SGK2: variants seen among roughly 807,000 people sequenced by gnomAD.
SGK2 encodes serine/threonine-protein kinase Sgk2.
In SGK2, 36 loss-of-function variants were observed where a neutral mutation model predicts 47.5. The observed-to-expected ratio is 0.76, with a 90% CI of 0.58 to 1.00. SGK2 has a LOEUF of 1.00. Ranked by LOEUF, SGK2 falls within the 50% of genes least tolerant of loss-of-function variation. The pLI is 0.00. For synonymous variants in SGK2, 157 were observed against 181.9 expected, an observed-to-expected ratio of 0.86 and a Z score of 1.10; for missense variants, 404 against 467.4, an observed-to-expected ratio of 0.86 and a Z score of 1.25.
chr20:43,565,660 C>G (rs1600986262), intron 1 of SGK2: 1 of 152,358 alleles, frequency 6.6e-6, no homozygotes, highest in Admixed American at 6.5e-5. Context: ...ACTGGGCTTT[C>G]AGGTGAGATC....
Position 43,576,294 on chromosome 20 carries a change from G to C in SGK2, c.764G>C (p.Gly255Ala). The change falls in exon 11 of 13, where the codon GGA becomes GCA. Residue 255 changes from glycine to alanine, a missense_variant. Transcript: ENST00000373100. The part of the protein sequence containing the change: ...NILHQPLQIP[G>A]GRTVAACDLL... The stretch of plus-strand genomic sequence containing the variant: ...CTGCACCAGCCGCTACAGATCCCCG[G>C]AGGCCGGACAGTGGCCGCCTGTGAC... 6.2e-7 allele frequency: 1 copy of C among 1,614,218 alleles called. No homozygotes were observed. The highest frequency in any genetic ancestry group is 8.5e-7 in the Non-Finnish European group (1 of 1,180,040).
chr20:43,565,203 A>T (rs1979621899), intron 1 of SGK2: 1 of 152,284 alleles, frequency 6.6e-6, no homozygotes, highest in Non-Finnish European at 1.5e-5. Context: ...CCTTGTTGGG[A>T]GAACAGAGAG....
chr20:43,571,655 G>A (rs1980139891), intron 8 of SGK2, among the ~76,000 whole-genome samples: 1 of 152,140 alleles, frequency 6.6e-6, no homozygotes, highest in African/African-American at 2.4e-5. Context: ...GGATAGGCAT[G>A]GTTCTTCTGT....
chr20:43,561,899 T>A (rs764444488), intron 1 of SGK2, among the ~76,000 whole-genome samples: 24 of 152,164 alleles, frequency 1.6e-4, no homozygotes, highest in Non-Finnish European at 2.1e-4. Flanking sequence ...GTTGCAGCAA[T>A]GATGGTGAGC....
In SGK2 at chr20:43,585,199, C is replaced by A. The variant is rs983488190; in HGVS notation, c.*183C>A. On this transcript the variant is annotated 3_prime_UTR_variant, in exon 13 of 13. Coordinates refer to ENST00000373100, the MANE Select transcript of SGK2 (RefSeq NM_170693.3). ...CTGGCAGGACAGGTCATCAGATACT[C>A]AGAGGCTGTATCTCTGCCCTGCCAA... is the stretch of plus-strand genomic sequence containing the variant. 2.0e-5 allele frequency: 10 copies of A among 507,416 alleles called. No individual in the cohort carries two copies. The highest frequency in any genetic ancestry group is 3.8e-5 in the African/African-American group (2 of 52,198). The allele number at this position is 507,416 out of a possible 1,614,324, so 31.4% of individuals were successfully genotyped here. A position where few individuals can be genotyped will look rare whatever the true frequency, so the allele number is the denominator to read the frequency against.
intron 1 of SGK2, chr20:43,564,904 C>A (rs375035207): frequency 6.5e-6 from 1 of 152,902 alleles, no homozygotes. Context: ...CAGACACACA[C>A]GGAAGCACTC....
At position 43,574,970 on chromosome 20, in the gene SGK2, T is replaced by TG; in HGVS notation, c.664dup (p.Ala222GlyfsTer23). The TG allele has an allele frequency of 6.2e-7, 1 of 1,613,634 alleles. No individual in the cohort carries two copies. Among genetic ancestry groups the TG allele is most frequent in the Non-Finnish European group, 8.5e-7 (1 of 1,179,748 alleles). ...GATCGAGCAGTGGACTGGTGGTGCT[T>TG]GGGGGCAGTCCTCTACGAGATGCTC... On this transcript the variant is annotated frameshift_variant, in exon 10 of 13. Transcript: ENST00000373100. LOFTEE classifies it high-confidence loss of function.
At chr20:43,584,027 G>A (rs1413150436) in intron 12 of SGK2, among the ~76,000 whole-genome samples, 1 of 152,048 alleles carries the variant, frequency 6.6e-6, no homozygotes, top group Non-Finnish European at 1.5e-5. Flanking sequence ...CAGGCCAGCT[G>A]GTCTCTGTGG....
chr20:43,576,157 C>T lies in SGK2; in HGVS notation c.694-67C>T, dbSNP rs1035433145. ...ATCCTCCCAGCCGCCCACCTTGCTC[C>T]AAGTCTCCCCGAGCCTGTGTTCACT... On this transcript the variant is annotated intron_variant, in intron 10 of 12. Coordinates refer to ENST00000373100, the MANE Select transcript of SGK2 (RefSeq NM_170693.3). The T allele has an allele frequency of 1.1e-5, 17 of 1,580,564 alleles. 1 individual carries two copies. Among genetic ancestry groups the T allele is most frequent in the East Asian group, 6.8e-5 (3 of 44,310 alleles).
rs966091577 is a variant in SGK2, at chr20:43,572,003, A to G, written c.511-48A>G. 5.7e-6 allele frequency: 8 copies of G among 1,395,996 alleles called. No individual in the cohort carries two copies. The Admixed American group carries it at 1.6e-4, about 28-fold the overall frequency. The allele number at this position is 1,395,996 out of a possible 1,614,324, so 86.5% of individuals were successfully genotyped here. On this transcript the variant is annotated intron_variant, in intron 8 of 12. Coordinates refer to ENST00000373100, the MANE Select transcript of SGK2 (RefSeq NM_170693.3). The surrounding 1 kb of genome is among the most constrained non-coding windows in gnomAD (Gnocchi z 4.2). Reference sequence around the variant, plus strand: ...GGCTTTGGGGGTTAGGCCTGGCCATACCCTTGGCTCATACCACCCTCCAGC... The same window carrying G: ...GGCTTTGGGGGTTAGGCCTGGCCATGCCCTTGGCTCATACCACCCTCCAGC...
intron 12 of SGK2, among the ~76,000 whole-genome samples, chr20:43,581,155 G>C (rs1177372024): frequency 6.6e-6 from 1 of 152,126 alleles, no homozygotes; most frequent in Non-Finnish European, 1.5e-5. Flanking sequence ...GATTACAGGC[G>C]TGAGCCACCG....
At position 43,574,903 on chromosome 20, in the gene SGK2, T is replaced by G; in HGVS notation, c.598-6T>G. 1 of 1,610,668 alleles carries G rather than the reference T, an allele frequency of 6.2e-7. No individual in the cohort carries two copies. The highest frequency in any genetic ancestry group is 1.7e-4 in the Middle Eastern group (1 of 6,050). On this transcript the variant is annotated splice_region_variant and splice_polypyrimidine_tract_variant and intron_variant, in intron 9 of 12. Coordinates refer to ENST00000373100, the MANE Select transcript of SGK2 (RefSeq NM_170693.3). ...TATTTCAAATAAGTGTGTTTCCTTC[T>G]AACAGTACTTGGCACCTGAAGTGCT... is the stretch of plus-strand genomic sequence containing the variant.
chr20:43,571,064 GGTGTGTGTGTGT>G lies in SGK2; in HGVS notation c.510+31_510+42del, dbSNP rs11467250. On this transcript the variant is annotated splice_donor_5th_base_variant and intron_variant, in intron 8 of 12. Transcript: ENST00000373100. ...GAACATTCTCTTGGACTGCCAGGTTGGTGTGTGTGTGTGTGTGTGTGTGTGTGTGTGTGTGTG... is the reference window on the plus strand; with the variant it reads ...GAACATTCTCTTGGACTGCCAGGTTGGTGTGTGTGTGTGTGTGTGTGTGTG... 2.0e-5 allele frequency: 31 copies of G among 1,565,980 alleles called. No individual in the cohort carries two copies. In the Admixed American group the frequency reaches 2.2e-4, roughly 11 times the overall value.
chr20:43,572,521 C>CA lies in SGK2; in HGVS notation c.597+390dup, dbSNP rs35279353. Among the ~76,000 whole-genome samples the CA allele has an allele frequency of 6.6e-6, 1 of 151,934 alleles. No homozygotes were observed. Among genetic ancestry groups the CA allele is most frequent in the South Asian group, 2.1e-4 (1 of 4,816 alleles). ...TGAAACCCCATCTCTACTAAAAATACAAAAAATTAGCTGGGCACGGTGACG... is the reference window on the plus strand; with the variant it reads ...TGAAACCCCATCTCTACTAAAAATACAAAAAAATTAGCTGGGCACGGTGACG... On this transcript the variant is annotated intron_variant, in intron 9 of 12. Transcript: ENST00000373100. The surrounding 1 kb of genome is among the most constrained non-coding windows in gnomAD (Gnocchi z 4.2).
chr20:43,573,563 C>T (rs1347120156), intron 9 of SGK2, among the ~76,000 whole-genome samples: 1 of 151,670 alleles, frequency 6.6e-6, no homozygotes, highest in East Asian at 1.9e-4. Context: ...CTGAAGGGGT[C>T]CCCAGTGGCT....
intron 1 of SGK2, among the ~76,000 whole-genome samples, chr20:43,561,360 C>G (rs6065625): frequency 6.7e-6 from 1 of 149,658 alleles, no homozygotes; most frequent in Non-Finnish European, 1.5e-5. Flanking sequence ...TCATATGGAT[C>G]TCATAAACCA....
chr20:43,559,921 C>T (rs1026296173), intron 1 of SGK2, among the ~76,000 whole-genome samples: 20 of 152,126 alleles, frequency 1.3e-4, no homozygotes, highest in African/African-American at 4.8e-4. Context: ...AAGGGACAGG[C>T]TTGAGGACTC....
rs755834436 is a variant in SGK2 at position 43,570,613 on chromosome 20, C to T, written c.361-4C>T. 8 of 1,598,658 alleles carry T rather than the reference C, an allele frequency of 5.0e-6. 1 individual carries two copies. In the South Asian group the frequency reaches 7.9e-5, roughly 16 times the overall value. On this transcript the variant is annotated splice_region_variant and splice_polypyrimidine_tract_variant and intron_variant, in intron 6 of 12. Transcript: ENST00000373100. ...ACTCCTGTCACACTCCTCCTCCCCT[C>T]CAGCTCTTCTTCCACCTGCAGCGGG... is the stretch of plus-strand genomic sequence containing the variant.
At chr20:43,583,192 G>A (rs1038301786) in intron 12 of SGK2, 32 of 1,289,468 alleles carry the variant, frequency 2.5e-5, no homozygotes, top group Middle Eastern at 2.1e-4. Flanking sequence ...GGATACACTC[G>A]GGCCAGGCAC....
Sources: gnomAD v4.1 joint callset for allele counts (sites outside exome capture counted in the v4.1 genomes callset) on GRCh38, gnomAD v4.1.1 for gene constraint, Gnocchi (gnomAD v3.1) non-coding constraint, MANE v1.5 for transcripts, NCBI Gene and HGNC (gene_info 2026-07-23, HGNC 2026-07-21) for gene names.